Variants in KIF22 observed in about 807,000 individuals in gnomAD.
KIF22 encodes the protein kinesin family member 22.
Under a neutral mutation model 73.0 loss-of-function variants are expected in KIF22, and 62 were observed. The observed-to-expected ratio is 0.85, with a 90% CI of 0.69 to 1.05. The LOEUF (loss-of-function observed/expected upper bound fraction) is 1.05. KIF22 is among the 50% of genes least tolerant of loss of function. KIF22 has a pLI of 0.00. For synonymous variants in KIF22, 411 were observed against 340.1 expected (o/e 1.21, Z -2.29); for missense variants, 854 against 870.1 (o/e 0.98, Z 0.23).
chr16:29,792,127 TAAG>T (rs1050358801), intron 1 of KIF22, among the ~76,000 whole-genome samples: 11 of 152,142 alleles, frequency 7.2e-5, no homozygotes, highest in Non-Finnish European at 7.3e-5. Flanking sequence ...AGGCCTTGAC[TAAG>T]AAGACAAGAA....
Position 29,805,259 on chromosome 16 carries a change from G to A in KIF22, c.1951-4G>A, listed in dbSNP as rs1325375767. On this transcript the variant is annotated splice_polypyrimidine_tract_variant and splice_region_variant and intron_variant, in intron 13 of 13. Transcript: ENST00000160827. ...TCGCTGTCTCCCTCCCTCCTGTGTT[G>A]CAGGCAAACATCCTGGGTCTCGCCG... 5.0e-6 allele frequency: 8 copies of A among 1,613,994 alleles called. No individual in the cohort carries two copies. The East Asian group carries it at 1.8e-4, about 36-fold the overall frequency.
chr16:29,804,453 T>TC (rs1899272650), intron 11 of KIF22: 1 of 634,354 alleles, frequency 1.6e-6, no homozygotes, highest in African/African-American at 1.8e-5. Flanking sequence ...TATCATTTAT[T>TC]CATATTACTT....
At position 29,797,499 on chromosome 16, in the gene KIF22, G is replaced by A. The variant is rs1039829084; in HGVS notation, c.266+411G>A. On this transcript the variant is annotated intron_variant, in intron 2 of 13. Transcript: ENST00000160827. This position sits in a 1 kb window ranked among gnomAD's most constrained non-coding sequence, Gnocchi z 4.1. The stretch of plus-strand genomic sequence containing the variant: ...AGGGCAGCTACTTTATAATCCTACT[G>A]GGGATTTAAAGTTCAAACTCCTTGG... Among the ~76,000 whole-genome samples the A allele has an allele frequency of 6.6e-6, 1 of 152,110 alleles. No homozygotes were observed. The highest frequency in any genetic ancestry group is 6.6e-5 in the Admixed American group (1 of 15,264).
chr16:29,800,182 C>T (rs556137955), intron 8 of KIF22, 134 bp downstream of exon 8: 14 of 1,068,852 alleles, frequency 1.3e-5, no homozygotes, highest in East Asian at 5.3e-5. Context: ...AGGCCGGATG[C>T]GGTGGCTCAC....
intron 11 of KIF22, 50 bp downstream of exon 11, chr16:29,804,115 G>C (rs1310237184): frequency 6.8e-7 from 1 of 1,464,994 alleles, no homozygotes; most frequent in Admixed American, 1.7e-5. Context: ...GAAGTAAGGG[G>C]GAGTAGGCTC....
At chr16:29,804,282 C>T (rs2142380820) in intron 11 of KIF22, 1 of 612,994 alleles carries the variant, frequency 1.6e-6, no homozygotes, top group East Asian at 2.7e-5. Flanking sequence ...CCTCGCAGAG[C>T]GGATGTTCCA....
intron 8 of KIF22, among the ~76,000 whole-genome samples, chr16:29,802,110 T>C (rs910054139): frequency 6.6e-6 from 1 of 150,654 alleles, no homozygotes; most frequent in East Asian, 1.9e-4. Flanking sequence ...CTACAAAAAA[T>C]AAAAAAATTA....
chr16:29,802,841 C>T lies in KIF22; in HGVS notation c.1353C>T (p.Ala451=), dbSNP rs1899188164. ...TCCTCAGCTTGGACCGTCTGCTTGC[C>T]TCCCAGGGGAGCCAGGGGGCCCCTC... is the stretch of plus-strand genomic sequence containing the variant. ...ERLLSLDRLL[A]SQGSQGAPLL... is the part of the protein sequence containing the mutation. The change falls in exon 9 of 14, where the codon GCC becomes GCT. Residue 451 remains alanine, a synonymous_variant. Transcript: ENST00000160827. The T allele has an allele frequency of 2.5e-6, 4 of 1,611,526 alleles. No homozygotes were observed. Among genetic ancestry groups the T allele is most frequent in the Non-Finnish European group, 3.4e-6 (4 of 1,179,098 alleles).
chr16:29,800,077 C>G, intron 8 of KIF22, 29 bp downstream of exon 8: 2 of 1,590,904 alleles, frequency 1.3e-6, no homozygotes, highest in Non-Finnish European at 1.7e-6. Context: ...GGTGTATCCC[C>G]TTCCTGATGT....
At chr16:29,802,027 G>A (rs2142377083) in intron 8 of KIF22, among the ~76,000 whole-genome samples, 1 of 152,232 alleles carries the variant, frequency 6.6e-6, no homozygotes, top group African/African-American at 2.4e-5. Flanking sequence ...AGCACTTTGG[G>A]AGGCCAAGGT....
chr16:29,804,598 A>G (rs1899280958), intron 11 of KIF22: 2 of 694,576 alleles, frequency 2.9e-6, no homozygotes, highest in Non-Finnish European at 5.3e-6. Context: ...AAGGGTGCTA[A>G]TATTACCACT....
At position 29,798,510 on chromosome 16, in the gene KIF22, G is replaced by A. The variant is rs753333763; in HGVS notation, c.394+9G>A. 5.0e-5 allele frequency: 81 copies of A among 1,613,978 alleles called. 2 individuals are homozygous for A. In the South Asian group the frequency reaches 5.1e-4, roughly 10 times the overall value. On this transcript the variant is annotated intron_variant, in intron 3 of 13. Transcript: ENST00000160827. This position sits in a 1 kb window ranked among gnomAD's most constrained non-coding sequence, Gnocchi z 4.1. The stretch of plus-strand genomic sequence containing the variant: ...TGGACCCACAGGAGCTGGTGAGGGA[G>A]CCAGAAAAGAAACAGCTATGGGTCA...
Position 29,798,705 on chromosome 16 carries a change from C to T in KIF22, c.507C>T (p.Ala169=), listed in dbSNP as rs758077486. Residue 169 remains alanine (A), a synonymous_variant, in exon 4 of 14, where the codon GCC becomes GCT. Transcript: ENST00000160827. The surrounding 1 kb of genome is among the most constrained non-coding windows in gnomAD (Gnocchi z 4.1). ...AGGGTGCCGAGGGCCGGCCATGGGC[C>T]CTTTCTGTCACCATGTCTTACCTAG... is the stretch of plus-strand genomic sequence containing the variant. ...REEGAEGRPW[A]LSVTMSYLEI... is the part of the protein sequence containing the mutation. The T allele has an allele frequency of 6.2e-7, 1 of 1,614,122 alleles. No individual in the cohort carries two copies. Among genetic ancestry groups the T allele is most frequent in the South Asian group, 1.1e-5 (1 of 91,076 alleles).
At chr16:29,804,137 G>A in intron 11 of KIF22, 72 bp downstream of exon 11, 2 of 1,279,102 alleles carry the variant, frequency 1.6e-6, no homozygotes, top group Non-Finnish European at 2.3e-6. Flanking sequence ...AGGGGGAGGA[G>A]CGTTGGCCTT....
Position 29,804,814 on chromosome 16 carries a change from C to T in KIF22, c.1678C>T (p.Leu560=). The T allele has an allele frequency of 6.2e-7, 1 of 1,602,780 alleles. No homozygotes were observed. The highest frequency in any genetic ancestry group is 2.2e-5 in the East Asian group (1 of 44,622). ...ILKNKGRKRK[L]ESLDALEPEE... Reference sequence around the variant, plus strand: ...TCACTCATCTCCCTTTGCCTCCCAGCTGGAGTCCCTGGATGCCCTAGAGCC... The same window carrying T: ...TCACTCATCTCCCTTTGCCTCCCAGTTGGAGTCCCTGGATGCCCTAGAGCC... Residue 560 remains leucine (L), a splice_region_variant and synonymous_variant, in exon 12 of 14, where the codon CTG becomes TTG. Coordinates refer to ENST00000160827, the MANE Select transcript of KIF22 (RefSeq NM_007317.3).
chr16:29,799,606 C>A (rs574572957), intron 6 of KIF22, 22 bp from the exon 7 acceptor site: 1 of 1,613,764 alleles, frequency 6.2e-7, no homozygotes, highest in African/African-American at 1.3e-5. Flanking sequence ...CTGACCCACC[C>A]ACTGCCTGGT....
At chr16:29,804,562 C>T (rs1303483594) in intron 11 of KIF22, 3 of 682,952 alleles carry the variant, frequency 4.4e-6, no homozygotes, top group Admixed American at 4.0e-5. Context: ...CATTAACTCA[C>T]TTGATCTCCA....
At chr16:29,792,274 G>A (rs1898838541) in intron 1 of KIF22, among the ~76,000 whole-genome samples, 1 of 152,220 alleles carries the variant, frequency 6.6e-6, no homozygotes, top group Non-Finnish European at 1.5e-5. Context: ...CCTGGTCCAA[G>A]CTCAAGGTTG....
At chr16:29,791,964 TC>T (rs1898830465) in intron 1 of KIF22, among the ~76,000 whole-genome samples, 2 of 152,206 alleles carry the variant, frequency 1.3e-5, no homozygotes, top group South Asian at 2.1e-4. Context: ...CAATAGAGTG[TC>T]ACATACGTAG....
Sources: allele counts gnomAD v4.1 joint callset (sites outside exome capture counted in the v4.1 genomes callset), GRCh38; gene constraint gnomAD v4.1.1; non-coding constraint Gnocchi (gnomAD v3.1); transcripts MANE v1.5; gene names NCBI Gene and HGNC (gene_info 2026-07-23, HGNC 2026-07-21).